The following WLS variants were observed in gnomAD, a reference collection of about 807,000 sequenced individuals.
WLS encodes the protein Wnt ligand secretion mediator.
Under a neutral mutation model 62.8 loss-of-function variants are expected in WLS, and 23 were observed. The observed-to-expected ratio is 0.37, with a 90% CI of 0.26 to 0.52. The LOEUF (loss-of-function observed/expected upper bound fraction) is 0.52. Among genes scored for constraint, WLS ranks in the 20% least tolerant of loss-of-function variants. The pLI is 0.92. For synonymous variants in WLS, 246 were observed against 244.1 expected, an observed-to-expected ratio of 1.01 and a Z score of -0.07; for missense variants, 615 against 697.3, an observed-to-expected ratio of 0.88 and a Z score of 1.33.
At chr1:68,232,156 A>G (rs771563284) in intron 1 of WLS, 38 bp downstream of exon 1, 3 of 1,613,282 alleles carry the variant, frequency 1.9e-6, no homozygotes, top group South Asian at 2.2e-5. Flanking sequence ...GCCCGAAAAG[A>G]CAGAAAGGGG....
Position 68,144,596 on chromosome 1 carries a change from C to G in WLS, c.1335G>C (p.Met445Ile), listed in dbSNP as rs746820319. ...LMLITLACAAMTVIFFIVSQV... is the reference protein window; with the variant it reads ...LMLITLACAAITVIFFIVSQV... ...GACTAACGATGAAGAAGATGACAGT[C>G]ATGGCAGCGCAGGCCAAGGTGATAA... is the stretch of plus-strand genomic sequence containing the variant. Residue 445 changes from methionine (M) to isoleucine (I), a missense_variant, in exon 10 of 12, where the codon ATG (methionine) becomes ATC (isoleucine). Met to Ile is a conservative substitution (Grantham distance 10). Coordinates refer to ENST00000262348, the MANE Select transcript of WLS (RefSeq NM_024911.7). The G allele has an allele frequency of 1.2e-6, 2 of 1,613,646 alleles. No homozygotes were observed. The highest frequency in any genetic ancestry group is 4.5e-5 in the East Asian group (2 of 44,866).
At chr1:68,226,464 A>T (rs1336368841) in intron 1 of WLS, among the ~76,000 whole-genome samples, 1 of 152,340 alleles carries the variant, frequency 6.6e-6, no homozygotes, top group East Asian at 1.9e-4. Flanking sequence ...CATGTTAAAC[A>T]TTTTATCATT....
At chr1:68,184,358 C>G (rs781624969) in intron 2 of WLS, among the ~76,000 whole-genome samples, 6 of 152,168 alleles carry the variant, frequency 3.9e-5, no homozygotes, top group Non-Finnish European at 7.3e-5. Flanking sequence ...TTTTAGCCAA[C>G]CCAAACCTTT....
chr1:68,139,608 T>TA (rs1352190648), intron 10 of WLS, among the ~76,000 whole-genome samples: 2 of 152,200 alleles, frequency 1.3e-5, no homozygotes, highest in African/African-American at 2.4e-5. Context: ...GAAGGGCCAG[T>TA]AAGAGACCCT....
At chr1:68,189,806 G>A (rs1292966671) in intron 2 of WLS, among the ~76,000 whole-genome samples, 2 of 152,152 alleles carry the variant, frequency 1.3e-5, no homozygotes, top group Non-Finnish European at 2.9e-5. Context: ...GGCCGAGGTG[G>A]GTGGATCACC....
intron 2 of WLS, among the ~76,000 whole-genome samples, chr1:68,182,663 C>T (rs1023990260): frequency 8.1e-5 from 12 of 148,722 alleles, no homozygotes; most frequent in Admixed American, 4.6e-4. Context: ...TGACAACTTC[C>T]GTACCATTTA....
rs1005020533 is a variant in WLS at position 68,159,109 on chromosome 1, G to A, written c.504+14C>T. ...CAAATAAAAACTGTCAGCTTAGACAGCAAGGGGTCATACCTTGGGAGATGT... is the reference window on the plus strand; with the variant it reads ...CAAATAAAAACTGTCAGCTTAGACAACAAGGGGTCATACCTTGGGAGATGT... On this transcript the variant is annotated intron_variant, in intron 3 of 11. Transcript: ENST00000262348. 4 of 1,613,300 alleles carry A rather than the reference G, an allele frequency of 2.5e-6. No individual in the cohort carries two copies. Among genetic ancestry groups the A allele is most frequent in the Non-Finnish European group, 3.4e-6 (4 of 1,179,752 alleles).
At position 68,145,935 on chromosome 1, in the gene WLS, A is replaced by G; in HGVS notation, c.1212T>C (p.Phe404=). 1 of 1,614,176 alleles carries G rather than the reference A, an allele frequency of 6.2e-7. No homozygotes were observed. Among genetic ancestry groups the G allele is most frequent in the Non-Finnish European group, 8.5e-7 (1 of 1,180,032 alleles). ...TGGACTGCTTCCCACTGATGTTCCG[A>G]AACACCTGAAATACCATGAAGCATA... is the stretch of plus-strand genomic sequence containing the variant. ...LFLCFMVFQV[F]RNISGKQSSL... Residue 404 remains phenylalanine, a synonymous_variant, in exon 9 of 12, where the codon TTT becomes TTC. Coordinates refer to ENST00000262348, the MANE Select transcript of WLS (RefSeq NM_024911.7).
Position 68,232,361 on chromosome 1 carries a change from C to G in WLS, c.-62G>C. 6.4e-7 allele frequency: 1 copy of G among 1,573,770 alleles called. No individual in the cohort carries two copies. Reference sequence around the variant, plus strand: ...AATGTTTTAGGGTGAGCTTTTTGCTCCCTCCTCTCACACACTCCCTCCTTC... The same window carrying G: ...AATGTTTTAGGGTGAGCTTTTTGCTGCCTCCTCTCACACACTCCCTCCTTC... On this transcript the variant is annotated 5_prime_UTR_variant, in exon 1 of 12. Transcript: ENST00000262348.
intron 11 of WLS, among the ~76,000 whole-genome samples, chr1:68,106,174 C>A (rs1646140302): frequency 6.6e-6 from 1 of 152,064 alleles, no homozygotes; most frequent in Non-Finnish European, 1.5e-5. Flanking sequence ...GTAGATACAT[C>A]CATAATATAT....
At chr1:68,102,068 G>A (rs1350127329) in intron 11 of WLS, among the ~76,000 whole-genome samples, 1 of 152,200 alleles carries the variant, frequency 6.6e-6, no homozygotes, top group African/African-American at 2.4e-5. Flanking sequence ...GGTTAGACTT[G>A]TGTTTCCTGG....
chr1:68,227,005 A>G (rs1310353805), intron 1 of WLS, among the ~76,000 whole-genome samples: 1 of 152,216 alleles, frequency 6.6e-6, no homozygotes, highest in Non-Finnish European at 1.5e-5. Context: ...AAAGCCACAC[A>G]TAACACTATT....
chr1:68,099,831 A>T (rs544104539), intron 11 of WLS: 2 of 152,318 alleles, frequency 1.3e-5, no homozygotes, highest in Non-Finnish European at 2.9e-5. Flanking sequence ...GCATACATTC[A>T]ACTTGGCTTC....
At position 68,101,325 on chromosome 1, in the gene WLS, T is replaced by C. The variant is rs548235997; in HGVS notation, c.1511-2572A>G. The stretch of plus-strand genomic sequence containing the variant: ...TATTTGCTATTATTATTATTATTAT[T>C]ATAGGCATCAGCAACCTATCAGAAG... On this transcript the variant is annotated intron_variant, in intron 11 of 11. Coordinates refer to the WLS transcript ENST00000354777. Among the ~76,000 whole-genome samples, 18 of 152,256 alleles carry C rather than the reference T, an allele frequency of 1.2e-4. No individual in the cohort carries two copies. In the South Asian group the frequency reaches 3.3e-3, roughly 28 times the overall value.
At chr1:68,130,098 G>A (rs1330094820) in intron 11 of WLS, among the ~76,000 whole-genome samples, 1 of 152,202 alleles carries the variant, frequency 6.6e-6, no homozygotes, top group Non-Finnish European at 1.5e-5. Flanking sequence ...GGTTGTAACT[G>A]CCTGGAATGC....
chr1:68,232,136 G>A, intron 1 of WLS, 58 bp downstream of exon 1: 1 of 1,609,420 alleles, frequency 6.2e-7, no homozygotes, highest in Non-Finnish European at 8.5e-7. Context: ...AAGAGGCAAA[G>A]AGGGAAGGGG....
intron 2 of WLS, among the ~76,000 whole-genome samples, chr1:68,163,339 C>T (rs2820490): frequency 0.2 from 30,742 of 152,122 alleles, 3,465 homozygotes; most frequent in East Asian, 0.37. Flanking sequence ...TCAGCGTCCA[C>T]GGCAAAAGGC....
intron 2 of WLS, among the ~76,000 whole-genome samples, chr1:68,166,059 C>T (rs754007034): frequency 1.3e-5 from 2 of 152,044 alleles, no homozygotes; most frequent in Admixed American, 6.6e-5. Context: ...TTAAAATATG[C>T]GGTTTAAAAT....
chr1:68,098,716 A>G, exon 12 of WLS: 1 of 1,613,962 alleles, frequency 6.2e-7, no homozygotes, highest in East Asian at 2.2e-5. Context: ...AAACAAACAA[A>G]GCACAATCTT....
Sources: allele counts gnomAD v4.1 joint callset (sites outside exome capture counted in the v4.1 genomes callset), GRCh38; gene constraint gnomAD v4.1.1; transcripts MANE v1.5; gene names NCBI Gene and HGNC (gene_info 2026-07-23, HGNC 2026-07-21).